Variants in TNKS observed in about 807,000 individuals in gnomAD.
TNKS encodes the protein poly [ADP-ribose] polymerase tankyrase-1.
In TNKS, 72 loss-of-function variants were observed where a neutral mutation model predicts 135.8. The observed-to-expected ratio is 0.53, with a 90% CI of 0.44 to 0.64. TNKS has a LOEUF of 0.64. TNKS is among the 30% of genes least tolerant of loss of function. The probability of loss-of-function intolerance (pLI) is 0.00; values close to 1 mark genes in which losing one functional copy is unlikely to be tolerated. For missense variants in TNKS, 1,769 were observed against 1,674.0 expected (o/e 1.06, Z -0.99); for synonymous variants, 849 against 649.3 (o/e 1.31, Z -4.68).
At chr8:9,748,735 T>G (rs1025016854) in intron 18 of TNKS, among the ~76,000 whole-genome samples, 1 of 152,226 alleles carries the variant, frequency 6.6e-6, no homozygotes, top group South Asian at 2.1e-4. Context: ...TATGTTCTGT[T>G]TCATTTATTG....
intron 11 of TNKS, among the ~76,000 whole-genome samples, chr8:9,719,800 C>T (rs1804786275): frequency 6.6e-6 from 1 of 152,174 alleles, no homozygotes; most frequent in Non-Finnish European, 1.5e-5. Context: ...AATGATTCTT[C>T]TTCCTGTGTA....
At chr8:9,586,821 A>C (rs190259912) in intron 2 of TNKS, among the ~76,000 whole-genome samples, 1,779 of 151,906 alleles carry the variant, frequency 0.012, 16 homozygotes, top group Middle Eastern at 0.02. Context: ...AATAATATGC[A>C]GAGTTATCAG....
At chr8:9,619,397 A>T (rs949314134) in intron 3 of TNKS, among the ~76,000 whole-genome samples, 4 of 152,146 alleles carry the variant, frequency 2.6e-5, no homozygotes, top group African/African-American at 9.7e-5. Flanking sequence ...AAGAGGTAAG[A>T]GCAGATTGAG....
chr8:9,567,582 AT>A (rs945700809), intron 1 of TNKS, among the ~76,000 whole-genome samples: 23 of 151,622 alleles, frequency 1.5e-4, no homozygotes, highest in Non-Finnish European at 2.9e-4. Context: ...CGCCCGGCTA[AT>A]TTTTTTTGTA....
rs77628645 is a variant in TNKS, at chr8:9,579,802, G to A, written c.674-357G>A. Among the ~76,000 whole-genome samples, 465 of 152,322 alleles carry A rather than the reference G, an allele frequency of 3.1e-3. 2 individuals are homozygous for A. The highest frequency in any genetic ancestry group is 0.01 in the African/African-American group (429 of 41,550). ...TTAAATAACCCTTGTTTCTATGAAT[G>A]TAGTGATGAGTTTCTATATACAGTT... On this transcript the variant is annotated intron_variant, in intron 1 of 26. Transcript: ENST00000310430.
At chr8:9,672,805 G>C (rs1802358012) in intron 3 of TNKS, among the ~76,000 whole-genome samples, 1 of 151,092 alleles carries the variant, frequency 6.6e-6, no homozygotes, top group Non-Finnish European at 1.5e-5. Flanking sequence ...TGGTTGTCCT[G>C]AGCTCCCAGA....
intron 3 of TNKS, among the ~76,000 whole-genome samples, chr8:9,656,156 A>C (rs1801355434): frequency 6.6e-6 from 1 of 152,234 alleles, no homozygotes; most frequent in South Asian, 2.1e-4. Flanking sequence ...ATGGAAGCCA[A>C]AGTGAATGAA....
chr8:9,687,138 T>G (rs1021585030), intron 5 of TNKS, among the ~76,000 whole-genome samples: 1 of 152,178 alleles, frequency 6.6e-6, no homozygotes, highest in Non-Finnish European at 1.5e-5. Context: ...CTATGGCCTA[T>G]AGTGACCTTT....
In TNKS at chr8:9,704,716, T is replaced by G. The variant is rs764327031; in HGVS notation, c.1161T>G (p.Leu387=). 15 of 1,613,488 alleles carry G rather than the reference T, an allele frequency of 9.3e-6. No homozygotes were observed. The highest frequency in any genetic ancestry group is 1.3e-5 in the African/African-American group (1 of 74,900). Residue 387 remains leucine, a synonymous_variant, in exon 6 of 27, where the codon CTT becomes CTG. Coordinates refer to ENST00000310430, the MANE Select transcript of TNKS (RefSeq NM_003747.3). ...ACAACAGAGTTCGAATAGTTCAGCTTCTTCTTCAGCATGGTGCTGATGTTC... is the reference window on the plus strand; with the variant it reads ...ACAACAGAGTTCGAATAGTTCAGCTGCTTCTTCAGCATGGTGCTGATGTTC... ...AGYNRVRIVQ[L]LLQHGADVHA...
intron 1 of TNKS, among the ~76,000 whole-genome samples, chr8:9,570,175 T>A (rs951919909): frequency 1.3e-5 from 2 of 152,178 alleles, no homozygotes; most frequent in African/African-American, 4.8e-5. Flanking sequence ...GGTGTGATGG[T>A]TCACTTGTAA....
At chr8:9,677,118 G>A (rs1416319317) in intron 3 of TNKS, among the ~76,000 whole-genome samples, 1 of 152,164 alleles carries the variant, frequency 6.6e-6, no homozygotes, top group Non-Finnish European at 1.5e-5. Context: ...CTGGGAGCTA[G>A]CGTTTGAAAA....
At chr8:9,648,538 C>A (rs1801006614) in intron 3 of TNKS, among the ~76,000 whole-genome samples, 1 of 152,154 alleles carries the variant, frequency 6.6e-6, no homozygotes, top group South Asian at 2.1e-4. Context: ...GGACAATAAA[C>A]CACTAACATA....
chr8:9,594,460 G>A (rs778471800), intron 2 of TNKS, among the ~76,000 whole-genome samples: 2 of 152,138 alleles, frequency 1.3e-5, no homozygotes, highest in East Asian at 1.9e-4. Flanking sequence ...TCTGGCTATC[G>A]GTTATCGTAA....
intron 22 of TNKS, among the ~76,000 whole-genome samples, chr8:9,763,452 G>C (rs1463480606): frequency 2.0e-5 from 3 of 152,042 alleles, no homozygotes; most frequent in Non-Finnish European, 4.4e-5. Flanking sequence ...CTAATGCATG[G>C]GGCCCATCTG....
chr8:9,598,378 T>C (rs1019659183), intron 2 of TNKS, among the ~76,000 whole-genome samples: 1 of 152,054 alleles, frequency 6.6e-6, no homozygotes. Context: ...GAGACTAAAA[T>C]TGAAAGCAGA....
At chr8:9,617,066 C>T (rs1048856975) in intron 3 of TNKS, among the ~76,000 whole-genome samples, 8 of 152,190 alleles carry the variant, frequency 5.3e-5, no homozygotes, top group African/African-American at 1.7e-4. Context: ...TCTCAACACC[C>T]GCTTTGTCCA....
At chr8:9,718,966 T>G (rs1804737013) in intron 11 of TNKS, among the ~76,000 whole-genome samples, 1 of 152,236 alleles carries the variant, frequency 6.6e-6, no homozygotes, top group South Asian at 2.1e-4. Context: ...TTACCCAGTT[T>G]CCAGAAAAAT....
At position 9,764,680 on chromosome 8, in the gene TNKS, G is replaced by C. The variant is rs752629865; in HGVS notation, c.3373-36G>C. On this transcript the variant is annotated intron_variant, in intron 22 of 26. Transcript: ENST00000310430. The stretch of plus-strand genomic sequence containing the variant: ...CATCATTGTCTAGAATTACACACTG[G>C]GATGTTTTTATAAAATTAGTTATTT... The C allele has an allele frequency of 1.0e-5, 15 of 1,507,126 alleles. No homozygotes were observed. In the Admixed American group the frequency reaches 1.5e-4, roughly 16 times the overall value. The allele number at this position is 1,507,126 out of a possible 1,614,324, so 93.4% of individuals were successfully genotyped here. A position where few individuals can be genotyped will look rare whatever the true frequency, so the allele number is the denominator to read the frequency against.
chr8:9,774,077 T>C (rs1454623511), intron 26 of TNKS, among the ~76,000 whole-genome samples: 2 of 152,120 alleles, frequency 1.3e-5, no homozygotes, highest in East Asian at 3.8e-4. Flanking sequence ...ATATTGAAGG[T>C]TAACTGAACT....
Sources: allele counts gnomAD v4.1 joint callset (sites outside exome capture counted in the v4.1 genomes callset), GRCh38; gene constraint gnomAD v4.1.1; transcripts MANE v1.5; gene names NCBI Gene and HGNC (gene_info 2026-07-23, HGNC 2026-07-21).